Variants in MOGAT1 observed in about 807,000 individuals in gnomAD.
The protein encoded by MOGAT1 is monoacylglycerol O-acyltransferase 1, also known as 2-acylglycerol O-acyltransferase 1.
MOGAT1 carries 32 observed loss-of-function variants against 31.4 expected under a neutral mutation model. The ratio of observed to expected loss-of-function variants is 1.02; its 90% CI spans 0.77 to 1.37. The LOEUF is 1.37. Ranked by LOEUF, MOGAT1 falls within the 40% of genes most tolerant of loss-of-function variation. MOGAT1 has a pLI of 0.00. For synonymous variants in MOGAT1, 145 were observed against 144.5 expected, an observed-to-expected ratio of 1.00 and a Z score of -0.03; for missense variants, 426 against 402.0, an observed-to-expected ratio of 1.06 and a Z score of -0.51.
intron 1 of MOGAT1, among the ~76,000 whole-genome samples, chr2:222,678,876 G>A (rs1194196144): frequency 1.3e-5 from 2 of 152,180 alleles, no homozygotes; most frequent in Admixed American, 6.5e-5. Flanking sequence ...GGGAGGTGGA[G>A]GTTGCAGTGA....
chr2:222,677,175 A>G (rs1387137603), intron 1 of MOGAT1, among the ~76,000 whole-genome samples: 3 of 152,258 alleles, frequency 2.0e-5, no homozygotes, highest in African/African-American at 7.2e-5. Context: ...CACAGCTTCT[A>G]TAGTTTCCAC....
Position 222,688,233 on chromosome 2 carries a change from A to G in MOGAT1, c.95-111A>G, listed in dbSNP as rs1559230384. On this transcript the variant is annotated intron_variant, in intron 1 of 5. Coordinates refer to ENST00000446656, the MANE Select transcript of MOGAT1 (RefSeq NM_058165.3). ...CTGTCTTGTTATATTACCTTACCTG[A>G]ACTGAGGCTCAGTTTGACATATCTT... 4.0e-6 allele frequency: 3 copies of G among 757,946 alleles called. No individual in the cohort carries two copies. In the African/African-American group the frequency reaches 5.3e-5, roughly 14 times the overall value. 47.0% of individuals were successfully genotyped at this position (757,946 alleles called of 1,614,324 possible).
intron 1 of MOGAT1, among the ~76,000 whole-genome samples, chr2:222,686,877 CTGA>C (rs1207873428): frequency 1.3e-5 from 2 of 152,040 alleles, no homozygotes; most frequent in African/African-American, 4.8e-5. Flanking sequence ...CTTTGGGAGG[CTGA>C]GGCGGGTGGA....
intron 5 of MOGAT1, among the ~76,000 whole-genome samples, chr2:222,701,915 T>C (rs1286295289): frequency 6.6e-6 from 1 of 152,186 alleles, no homozygotes; most frequent in East Asian, 1.9e-4. Flanking sequence ...TTTACAACTA[T>C]GAAAGAAGAG....
At chr2:222,704,002 GC>G (rs1692967713) in intron 5 of MOGAT1, among the ~76,000 whole-genome samples, 1 of 152,228 alleles carries the variant, frequency 6.6e-6, no homozygotes, top group Admixed American at 6.5e-5. Context: ...GGCAATACAT[GC>G]ATAACTAATC....
At chr2:222,699,486 A>ATTTTTT (rs1692886656) in intron 5 of MOGAT1, 2 of 86,888 alleles carry the variant, frequency 2.3e-5, no homozygotes, top group Non-Finnish European at 4.8e-5. Context: ...GTTGGGAGAT[A>ATTTTTT]TTTCTTTTTT....
In MOGAT1 at chr2:222,695,148, A is replaced by G. The variant is rs185619677; in HGVS notation, c.713A>G (p.Asn238Ser). The G allele has an allele frequency of 8.7e-6, 14 of 1,613,354 alleles. No homozygotes were observed. In the African/African-American group the frequency reaches 1.6e-4, roughly 18 times the overall value. The part of the protein sequence containing the change: ...GENELFKQTD[N>S]PEGSWIRTVQ... The stretch of plus-strand genomic sequence containing the variant: ...AATGAACTGTTTAAACAAACTGACA[A>G]CCCTGAAGGATCATGGATTAGAACT... The change falls in exon 5 of 6, where the codon AAC (asparagine) becomes AGC (serine). Residue 238 changes from asparagine (N) to serine (S), a missense_variant. Physicochemically the swap from Asn to Ser is conservative, Grantham distance 46. Transcript: ENST00000446656.
Position 222,671,730 on chromosome 2 carries a change from C to A in MOGAT1, c.-56C>A. The A allele has an allele frequency of 6.9e-7, 1 of 1,446,554 alleles. No homozygotes were observed. The highest frequency in any genetic ancestry group is 2.5e-5 in the East Asian group (1 of 40,222). 89.6% of individuals were successfully genotyped at this position (1,446,554 alleles called of 1,614,324 possible). A position where few individuals can be genotyped will look rare whatever the true frequency, so the allele number is the denominator to read the frequency against. On this transcript the variant is annotated 5_prime_UTR_variant, in exon 1 of 6. Coordinates refer to ENST00000446656, the MANE Select transcript of MOGAT1 (RefSeq NM_058165.3). ...GGCCGGGCACTTCCCACAGGCGCCG[C>A]AGAGCAGCGTGGGTGCAGGCTGCAG...
chr2:222,671,915 C>G, intron 1 of MOGAT1, 36 bp downstream of exon 1: 1 of 1,469,224 alleles, frequency 6.8e-7, no homozygotes, highest in Non-Finnish European at 9.3e-7. Context: ...GGGGCTTGGG[C>G]TCCATATCCT....
At chr2:222,691,184 A>C (rs6759253) in intron 3 of MOGAT1, among the ~76,000 whole-genome samples, 6 of 69,328 alleles carry the variant, frequency 8.7e-5, no homozygotes, top group Admixed American at 2.5e-4. Context: ...GTTTCTTTTT[A>C]TTTATTTATT....
intron 5 of MOGAT1, among the ~76,000 whole-genome samples, chr2:222,707,964 C>G (rs1005986537): frequency 1.3e-5 from 2 of 152,226 alleles, no homozygotes; most frequent in Non-Finnish European, 2.9e-5. Context: ...GGTCGCTCTA[C>G]TGTGGGTCCC....
intron 1 of MOGAT1, among the ~76,000 whole-genome samples, chr2:222,678,924 C>T (rs1692540160): frequency 1.3e-5 from 2 of 152,020 alleles, no homozygotes; most frequent in Admixed American, 6.6e-5. Context: ...ACCTGGGTGA[C>T]AAGATCAAAA....
At chr2:222,703,924 G>A (rs967795586) in intron 5 of MOGAT1, among the ~76,000 whole-genome samples, 4 of 151,292 alleles carry the variant, frequency 2.6e-5, no homozygotes, top group Non-Finnish European at 4.4e-5. Flanking sequence ...TATACCACAA[G>A]CCCACAAAGC....
chr2:222,706,928 C>T (rs1347166805), intron 5 of MOGAT1, among the ~76,000 whole-genome samples: 2 of 152,118 alleles, frequency 1.3e-5, no homozygotes, highest in African/African-American at 4.8e-5. Context: ...GCTGTGGTGG[C>T]TCACGCCGAC....
chr2:222,685,641 C>A (rs562345329), intron 1 of MOGAT1, among the ~76,000 whole-genome samples: 40 of 134,866 alleles, frequency 3.0e-4, no homozygotes, highest in African/African-American at 1.0e-3. Context: ...TCTCTTGTTG[C>A]CCAGCCTGGA....
intron 3 of MOGAT1, among the ~76,000 whole-genome samples, chr2:222,689,756 T>C (rs909603446): frequency 2.6e-5 from 4 of 152,198 alleles, no homozygotes; most frequent in African/African-American, 9.7e-5. Flanking sequence ...AATAAAGTAA[T>C]GAATGCAGTT....
intron 5 of MOGAT1, among the ~76,000 whole-genome samples, chr2:222,702,748 C>T (rs1692944979): frequency 6.6e-6 from 1 of 151,172 alleles, no homozygotes. Context: ...AAAAAGCAGA[C>T]TGAATCTGGG....
intron 1 of MOGAT1, among the ~76,000 whole-genome samples, chr2:222,679,343 G>A (rs888995062): frequency 6.6e-6 from 1 of 151,966 alleles, no homozygotes; most frequent in African/African-American, 2.4e-5. Context: ...CTTTGTTGGT[G>A]GTATTGTTTT....
chr2:222,709,666 G>C, intron 5 of MOGAT1, 70 bp from the exon 6 acceptor site: 2 of 1,413,566 alleles, frequency 1.4e-6, no homozygotes, highest in Non-Finnish European at 2.0e-6. Context: ...TCACAGCTGT[G>C]CATTAGGGGC....
Sources: allele counts gnomAD v4.1 joint callset (sites outside exome capture counted in the v4.1 genomes callset), GRCh38; gene constraint gnomAD v4.1.1; transcripts MANE v1.5; gene names NCBI Gene and HGNC (gene_info 2026-07-23, HGNC 2026-07-21).